JAG1: variants seen among roughly 807,000 people sequenced by gnomAD.
JAG1 encodes protein jagged-1.
JAG1 carries 23 observed loss-of-function variants against 148.7 expected under a neutral mutation model. That is an observed-to-expected ratio of 0.15 (90% CI 0.11 to 0.22). JAG1 has a LOEUF of 0.22. Among genes scored for constraint, JAG1 ranks in the 10% least tolerant of loss-of-function variants. JAG1 has a pLI of 1.00. For synonymous variants in JAG1, 572 were observed against 598.3 expected (o/e 0.96, Z 0.64); for missense variants, 1,054 against 1,611.2 (o/e 0.65, Z 5.92).
chr20:10,645,251 T>G lies in JAG1; in HGVS notation c.2119A>C (p.Ser707Arg). 1 of 1,613,664 alleles carries G rather than the reference T, an allele frequency of 6.2e-7. No individual in the cohort carries two copies. The highest frequency in any genetic ancestry group is 8.5e-7 in the Non-Finnish European group (1 of 1,179,566). ...WKGKTCHSRD[S>R]QCDEATCNNG... ...TTGCACGTGGCCTCATCACACTGAC[T>G]GTCACCTGGAGGAAAATATTTCAGT... Residue 707 changes from serine to arginine, a missense_variant, in exon 17 of 26, where the codon AGT (serine) becomes CGT (arginine). By Grantham distance (110) the Ser-to-Arg change is moderately radical. Coordinates refer to ENST00000254958, the MANE Select transcript of JAG1 (RefSeq NM_000214.3). This position sits in a 1 kb window ranked among gnomAD's most constrained non-coding sequence, Gnocchi z 6.1.
intron 13 of JAG1, 194 bp from the exon 14 acceptor site, chr20:10,647,297 G>A: frequency 1.6e-6 from 1 of 643,350 alleles, no homozygotes; most frequent in Non-Finnish European, 2.8e-6. Flanking sequence ...TCCAGGCAAA[G>A]AGTTTTAAAG....
chr20:10,648,876 A>G (rs2067326638), intron 11 of JAG1, 154 bp from the exon 12 acceptor site: 1 of 911,260 alleles, frequency 1.1e-6, no homozygotes, highest in South Asian at 1.4e-5. Flanking sequence ...AGGAATTTCT[A>G]TGTGCATGCC....
At chr20:10,663,906 G>T in intron 3 of JAG1, 57 bp downstream of exon 3, 1 of 1,423,982 alleles carries the variant, frequency 7.0e-7, no homozygotes, top group Non-Finnish European at 9.9e-7. Context: ...CAACTGGTTG[G>T]CCAAGCCCCA....
intron 4 of JAG1, among the ~76,000 whole-genome samples, chr20:10,656,894 A>G (rs1157429235): frequency 6.7e-6 from 1 of 149,148 alleles, no homozygotes; most frequent in African/African-American, 2.5e-5. Flanking sequence ...AAAAAAAAAA[A>G]ACAACCCATA....
chr20:10,672,672 C>A (rs1231241351), intron 2 of JAG1, 29 bp downstream of exon 2: 1 of 1,609,304 alleles, frequency 6.2e-7, no homozygotes, highest in East Asian at 2.2e-5. Flanking sequence ...TGAGGCTCCG[C>A]CCGGCCTCCT....
chr20:10,640,943 C>T lies in JAG1; in HGVS notation c.3049-10G>A. 6.2e-7 allele frequency: 1 copy of T among 1,614,098 alleles called. No homozygotes were observed. Among genetic ancestry groups the T allele is most frequent in the Non-Finnish European group, 8.5e-7 (1 of 1,179,966 alleles). On this transcript the variant is annotated splice_polypyrimidine_tract_variant and intron_variant, in intron 24 of 25. Coordinates refer to ENST00000254958, the MANE Select transcript of JAG1 (RefSeq NM_000214.3). The stretch of plus-strand genomic sequence containing the variant: ...GTATATCTTCAGCAGACTGGAAAAA[C>T]AATTGTCAGACTTGAGAGTCAGAGG...
chr20:10,671,856 G>C (rs1158607159), intron 2 of JAG1, among the ~76,000 whole-genome samples: 2 of 152,170 alleles, frequency 1.3e-5, no homozygotes, highest in Non-Finnish European at 2.9e-5. Flanking sequence ...AATGGGGCGG[G>C]GGGATGAGGG....
In JAG1 at chr20:10,647,033, G is replaced by A. The variant is rs145910804; in HGVS notation, c.1791C>T (p.Asn597=). Residue 597 remains asparagine, a synonymous_variant, in exon 14 of 26, where the codon AAC becomes AAT. Transcript: ENST00000254958. Reference sequence around the variant, plus strand: ...TGCACTTCCCGTGAGGACCACAGACGTTGGAGGAAATATACCGCACCCCTT... The same window carrying A: ...TGCACTTCCCGTGAGGACCACAGACATTGGAGGAAATATACCGCACCCCTT... ...TPEGVRYISS[N]VCGPHGKCKS... 2.2e-5 allele frequency: 36 copies of A among 1,614,066 alleles called. No individual in the cohort carries two copies. The highest frequency in any genetic ancestry group is 6.7e-5 in the Admixed American group (4 of 60,006).
intron 11 of JAG1, 57 bp downstream of exon 11, chr20:10,649,004 A>T: frequency 7.3e-7 from 1 of 1,375,944 alleles, no homozygotes; most frequent in Admixed American, 1.7e-5. Context: ...GTGTCGCACA[A>T]ATCTAAAGAT....
intron 3 of JAG1, among the ~76,000 whole-genome samples, chr20:10,659,784 G>C (rs1170302614): frequency 6.6e-6 from 1 of 151,944 alleles, no homozygotes; most frequent in Non-Finnish European, 1.5e-5. Flanking sequence ...GAAAAAAAAT[G>C]CTTACTGAGG....
Position 10,639,778 on chromosome 20 carries a change from A to C in JAG1, c.3377T>G (p.Ile1126Ser). Residue 1126 changes from isoleucine to serine, a missense_variant, in exon 26 of 26, where the codon ATT becomes AGT. By Grantham distance (142) the Ile-to-Ser change is moderately radical. This residue lies in a region of JAG1 where 177 missense variants were observed against 177.3 expected (regional missense o/e 1.00). Transcript: ENST00000254958. ...REQLNQIKNP[I>S]EKHGANTVPI... is the part of the protein sequence containing the mutation. ...GACCGTGTTGGCCCCATGTTTCTCA[A>C]TGGGGTTTTTGATCTGGTTCAGCTG... 1.2e-6 allele frequency: 2 copies of C among 1,613,996 alleles called. No individual in the cohort carries two copies. Among genetic ancestry groups the C allele is most frequent in the Non-Finnish European group, 1.7e-6 (2 of 1,180,016 alleles).
At chr20:10,643,706 T>C (rs770451576) in intron 20 of JAG1, 72 bp downstream of exon 20, 39 of 1,181,306 alleles carry the variant, frequency 3.3e-5, no homozygotes, top group Admixed American at 7.2e-5. Context: ...TTTTTAAAGA[T>C]GAAAGTCTTG....
At chr20:10,646,849 C>T (rs2067312589) in intron 14 of JAG1, 90 bp downstream of exon 14, 3 of 1,111,254 alleles carry the variant, frequency 2.7e-6, no homozygotes, top group African/African-American at 3.1e-5. Flanking sequence ...AAACTTTCAA[C>T]ACCAATGATC....
intron 5 of JAG1, 21 bp downstream of exon 5, chr20:10,656,375 TCA>T: frequency 6.3e-7 from 1 of 1,594,092 alleles, no homozygotes; most frequent in African/African-American, 1.3e-5. Flanking sequence ...AAAAGAAATC[TCA>T]CAAAAGACCA....
intron 12 of JAG1, 80 bp from the exon 13 acceptor site, chr20:10,648,190 GGC>G: frequency 6.5e-7 from 1 of 1,540,882 alleles, no homozygotes; most frequent in Non-Finnish European, 9.0e-7. Flanking sequence ...TGGGGCAGCA[GGC>G]ACTGGAATCT....
rs200593413 is a variant in JAG1, at chr20:10,641,160, C to A, written c.3001G>T (p.Ala1001Ser). Residue 1001 changes from alanine (A) to serine (S), a missense_variant, in exon 24 of 26, where the codon GCT (alanine) becomes TCT (serine). By Grantham distance (99) the Ala-to-Ser change is moderately conservative. This residue lies in a region of JAG1 where 342 missense variants were observed against 514.6 expected (regional missense o/e 0.66). Coordinates refer to ENST00000254958, the MANE Select transcript of JAG1 (RefSeq NM_000214.3). ...TTCGCTGAAGGGGAAGGCTCGCAAG[C>A]GATGTAGATTGAATATTCAGCGGAA... is the stretch of plus-strand genomic sequence containing the variant. ...NVSAEYSIYI[A>S]CEPSPSANNE... 6.2e-7 allele frequency: 1 copy of A among 1,613,950 alleles called. No homozygotes were observed. Among genetic ancestry groups the A allele is most frequent in the Admixed American group, 1.7e-5 (1 of 60,026 alleles).
Position 10,667,295 on chromosome 20 carries a change from C to T in JAG1, c.388-3281G>A, listed in dbSNP as rs147713631. On this transcript the variant is annotated intron_variant, in intron 2 of 25. Coordinates refer to ENST00000254958, the MANE Select transcript of JAG1 (RefSeq NM_000214.3). The stretch of plus-strand genomic sequence containing the variant: ...AACGCGGCCATTGTGCACAGTCAGT[C>T]GGCTCCCAGGGTTCGTCAGGGGCCC... Among the ~76,000 whole-genome samples the T allele has an allele frequency of 2.9e-3, 443 of 152,346 alleles. 1 individual carries two copies. Among genetic ancestry groups the T allele is most frequent in the Middle Eastern group, 0.017 (5 of 294 alleles).
At position 10,644,276 on chromosome 20, in the gene JAG1, TCA is replaced by T. The variant is rs33967297; in HGVS notation, c.2372+79_2372+80del. On this transcript the variant is annotated intron_variant, in intron 19 of 25. Transcript: ENST00000254958. ...TTTAAACACAATCCCTGGGTGATTC[TCA>T]CACACACACACACACACACACACAC... The T allele has an allele frequency of 0.12, 100,551 of 870,862 alleles. 4,720 individuals carry two copies. The highest frequency in any genetic ancestry group is 0.14 in the Non-Finnish European group (74,123 of 540,096). The allele number at this position is 870,862 out of a possible 1,614,324, so 53.9% of individuals were successfully genotyped here. A position where few individuals can be genotyped will look rare whatever the true frequency, so the allele number is the denominator to read the frequency against.
intron 20 of JAG1, 55 bp downstream of exon 20, chr20:10,643,723 G>A: frequency 1.5e-6 from 2 of 1,343,542 alleles, no homozygotes; most frequent in Non-Finnish European, 2.1e-6. Context: ...CTTGGGGTGA[G>A]GCATGGAATG....
Sources: gnomAD v4.1 joint callset for allele counts (sites outside exome capture counted in the v4.1 genomes callset) on GRCh38, gnomAD v4.1.1 for gene constraint, gnomAD v4.1.1 regional missense constraint, Gnocchi (gnomAD v3.1) non-coding constraint, MANE v1.5 for transcripts, NCBI Gene and HGNC (gene_info 2026-07-23, HGNC 2026-07-21) for gene names.